FBN2: variants seen among roughly 807,000 people sequenced by gnomAD.
FBN2 encodes the protein fibrillin-2.
FBN2 carries 105 observed loss-of-function variants against 355.6 expected under a neutral mutation model. The observed-to-expected ratio is 0.30, with a 90% CI of 0.25 to 0.35. FBN2 has a LOEUF of 0.35. Among genes scored for constraint, FBN2 ranks in the 10% least tolerant of loss-of-function variants. FBN2 has a pLI of 1.00. For missense variants in FBN2, 3,280 were observed against 3,758.7 expected, an observed-to-expected ratio of 0.87 and a Z score of 3.33; for synonymous variants, 1,350 against 1,301.2, an observed-to-expected ratio of 1.04 and a Z score of -0.81.
At chr5:128,315,888 C>G (rs1055550255) in intron 36 of FBN2, among the ~76,000 whole-genome samples, 1 of 152,180 alleles carries the variant, frequency 6.6e-6, no homozygotes, top group Non-Finnish European at 1.5e-5. Flanking sequence ...AGTTTGAAAA[C>G]ATTCACCTAG....
In FBN2 at chr5:128,304,879, C is replaced by A. The variant is rs544351087; in HGVS notation, c.5800+78G>T. ...TTCTGACAGAGACATAGTAGTTACT[C>A]ATGGCACTTGATGGAACTGTGATCT... On this transcript the variant is annotated intron_variant, in intron 45 of 64. Transcript: ENST00000262464. The A allele has an allele frequency of 1.3e-5, 20 of 1,563,196 alleles. No individual in the cohort carries two copies. In the South Asian group the frequency reaches 2.1e-4, roughly 17 times the overall value.
At chr5:128,386,751 G>A (rs756856099) in intron 11 of FBN2, among the ~76,000 whole-genome samples, 1 of 152,076 alleles carries the variant, frequency 6.6e-6, no homozygotes, top group Non-Finnish European at 1.5e-5. Flanking sequence ...TTATTGATTT[G>A]CATATGCTGA....
chr5:128,525,978 G>C (rs748973882), intron 4 of FBN2, among the ~76,000 whole-genome samples: 1 of 152,106 alleles, frequency 6.6e-6, no homozygotes, highest in Non-Finnish European at 1.5e-5. Context: ...TTGCAATGGA[G>C]AAAGCAAGGT....
At chr5:128,299,426 C>A (rs997475102) in intron 48 of FBN2, among the ~76,000 whole-genome samples, 1 of 45,952 alleles carries the variant, frequency 2.2e-5, no homozygotes, top group African/African-American at 5.6e-5. Context: ...GCGCCCCTCC[C>A]CCAGCCTCAC....
chr5:128,500,312 TA>T (rs767504659), intron 5 of FBN2, among the ~76,000 whole-genome samples: 12 of 150,164 alleles, frequency 8.0e-5, no homozygotes, highest in Non-Finnish European at 1.2e-4. Flanking sequence ...AAAGAAGAAA[TA>T]TGCCCAAATT....
intron 5 of FBN2, among the ~76,000 whole-genome samples, chr5:128,471,684 A>C (rs548550515): frequency 6.6e-6 from 1 of 152,286 alleles, no homozygotes; most frequent in East Asian, 1.9e-4. Context: ...AATGCATGAG[A>C]GACTGCCTTT....
At chr5:128,519,618 G>GT (rs974744315) in intron 4 of FBN2, among the ~76,000 whole-genome samples, 2 of 151,744 alleles carry the variant, frequency 1.3e-5, no homozygotes, top group African/African-American at 4.8e-5. Context: ...TTGGTAAAAG[G>GT]TTTTTTGTTT....
At chr5:128,515,898 A>G (rs1232763167) in intron 5 of FBN2, among the ~76,000 whole-genome samples, 1 of 152,224 alleles carries the variant, frequency 6.6e-6, no homozygotes, top group African/African-American at 2.4e-5. Context: ...TTTACATGAT[A>G]AAAACCATTT....
chr5:128,444,709 G>C (rs1363921677), intron 7 of FBN2, among the ~76,000 whole-genome samples: 1 of 152,182 alleles, frequency 6.6e-6, no homozygotes, highest in Non-Finnish European at 1.5e-5. Context: ...ATAAAGACTT[G>C]TACTGTCTTT....
intron 5 of FBN2, among the ~76,000 whole-genome samples, chr5:128,488,230 A>G (rs1283158786): frequency 6.6e-6 from 1 of 152,144 alleles, no homozygotes; most frequent in African/African-American, 2.4e-5. Context: ...GCTGGCATTC[A>G]CTGAAACACT....
rs1751113537 is a variant in FBN2, at chr5:128,344,413, A to G, written c.3315T>C (p.Ala1105=). The G allele has an allele frequency of 6.2e-7, 1 of 1,614,044 alleles. No homozygotes were observed. Among genetic ancestry groups the G allele is most frequent in the African/African-American group, 1.3e-5 (1 of 75,062 alleles). Residue 1105 remains alanine (A), a synonymous_variant, in exon 25 of 65, where the codon GCT becomes GCC. Transcript: ENST00000262464. ...SFKCRCNSGF[A]LDMEERNCTD... is the part of the protein sequence containing the mutation. Reference sequence around the variant, plus strand: ...TGCAGTTTCTTTCCTCCATGTCTAGAGCAAAGCCACTATTGCAACGGCATT... The same window carrying G: ...TGCAGTTTCTTTCCTCCATGTCTAGGGCAAAGCCACTATTGCAACGGCATT...
chr5:128,495,124 T>C (rs960613861), intron 5 of FBN2, among the ~76,000 whole-genome samples: 5 of 152,040 alleles, frequency 3.3e-5, no homozygotes, highest in Non-Finnish European at 7.4e-5. Flanking sequence ...CAAGTAGAAA[T>C]TCTGGAGATA....
Position 128,456,505 on chromosome 5 carries a change from C to T in FBN2, c.826+8219G>A, listed in dbSNP as rs77477710. Among the ~76,000 whole-genome samples, 1,071 of 152,246 alleles carry T rather than the reference C, an allele frequency of 7.0e-3. 12 individuals are homozygous for T. The highest frequency in any genetic ancestry group is 0.047 in the East Asian group (240 of 5,154). Reference sequence around the variant, plus strand: ...CCAACTGGGTGAGACCCTCCAAAAGCGGTTGTCAGACTCCTTATAGAGGAG... The same window carrying T: ...CCAACTGGGTGAGACCCTCCAAAAGTGGTTGTCAGACTCCTTATAGAGGAG... On this transcript the variant is annotated intron_variant, in intron 6 of 64. Transcript: ENST00000262464.
chr5:128,493,867 G>A (rs1755578093), intron 5 of FBN2, among the ~76,000 whole-genome samples: 1 of 152,196 alleles, frequency 6.6e-6, no homozygotes, highest in Admixed American at 6.5e-5. Context: ...AGTGAGAAGT[G>A]TCAGGAATTA....
At chr5:128,314,940 A>G (rs977077669) in intron 36 of FBN2, among the ~76,000 whole-genome samples, 1 of 152,106 alleles carries the variant, frequency 6.6e-6, no homozygotes, top group African/African-American at 2.4e-5. Flanking sequence ...CTCTCCAAAA[A>G]TGGTTTCTAA....
chr5:128,314,272 C>G (rs1750140432), intron 36 of FBN2, among the ~76,000 whole-genome samples: 1 of 152,154 alleles, frequency 6.6e-6, no homozygotes, highest in Non-Finnish European at 1.5e-5. Context: ...TCTCAGATCT[C>G]AGAGGCTGCA....
chr5:128,452,175 T>C (rs1454521090), intron 6 of FBN2, among the ~76,000 whole-genome samples: 1 of 152,164 alleles, frequency 6.6e-6, no homozygotes, highest in Non-Finnish European at 1.5e-5. Context: ...ATGCAAGAAT[T>C]TCTACATCTG....
intron 25 of FBN2, among the ~76,000 whole-genome samples, chr5:128,340,605 T>C (rs1250131098): frequency 6.6e-6 from 1 of 152,182 alleles, no homozygotes; most frequent in Admixed American, 6.5e-5. Flanking sequence ...AGTTTCATAG[T>C]ATAAACAGTG....
chr5:128,281,858 T>C (rs1221644019), intron 55 of FBN2, among the ~76,000 whole-genome samples: 1 of 151,980 alleles, frequency 6.6e-6, no homozygotes, highest in Non-Finnish European at 1.5e-5. Context: ...GCTAATTTTT[T>C]TATTTTTATT....
Sources: allele counts gnomAD v4.1 joint callset (sites outside exome capture counted in the v4.1 genomes callset), GRCh38; gene constraint gnomAD v4.1.1; transcripts MANE v1.5; gene names NCBI Gene and HGNC (gene_info 2026-07-23, HGNC 2026-07-21).